Variants in NOL4 observed in about 807,000 individuals in gnomAD.
The protein encoded by NOL4 is cancer/testis antigen 125.
Under a neutral mutation model 75.9 loss-of-function variants are expected in NOL4, and 17 were observed. The observed-to-expected ratio is 0.22, with a 90% CI of 0.15 to 0.34. The LOEUF (loss-of-function observed/expected upper bound fraction) is 0.34, where lower values mean the gene tolerates loss of function less well. NOL4 is among the 10% of genes least tolerant of loss of function. The pLI, the probability that NOL4 is intolerant of heterozygous loss-of-function variation, is 1.00. For missense variants in NOL4, 614 were observed against 793.5 expected, an observed-to-expected ratio of 0.77 and a Z score of 2.72; for synonymous variants, 292 against 289.9, an observed-to-expected ratio of 1.01 and a Z score of -0.07.
chr18:34,051,783 A>T (rs1368721849), intron 5 of NOL4, among the ~76,000 whole-genome samples: 1 of 151,930 alleles, frequency 6.6e-6, no homozygotes, highest in Non-Finnish European at 1.5e-5. Flanking sequence ...CTAGTGTGTG[A>T]GAGAGTGTGT....
chr18:34,153,472 G>T (rs2081744427), intron 1 of NOL4, among the ~76,000 whole-genome samples: 1 of 151,936 alleles, frequency 6.6e-6, no homozygotes. Flanking sequence ...AACTCCTTTA[G>T]TGTTCATAAT....
chr18:33,932,601 A>T (rs73955084), intron 9 of NOL4, among the ~76,000 whole-genome samples: 9,817 of 152,154 alleles, frequency 0.065, 370 homozygotes, highest in African/African-American at 0.12. Flanking sequence ...CTTAATATTT[A>T]AAAAATGAGG....
chr18:34,150,147 T>A (rs2146079375), intron 1 of NOL4, among the ~76,000 whole-genome samples: 2 of 151,854 alleles, frequency 1.3e-5, no homozygotes, highest in Non-Finnish European at 3.0e-5. Context: ...ATTTAATAAG[T>A]ACTCAACAAA....
At chr18:34,179,279 C>A (rs940620656) in intron 1 of NOL4, among the ~76,000 whole-genome samples, 2 of 150,888 alleles carry the variant, frequency 1.3e-5, no homozygotes, top group African/African-American at 4.9e-5. Context: ...AAACAAAAAA[C>A]AGCCTTCCAC....
intron 1 of NOL4, among the ~76,000 whole-genome samples, chr18:34,182,075 A>T (rs1231811176): frequency 6.6e-6 from 1 of 151,612 alleles, no homozygotes; most frequent in East Asian, 1.9e-4. Flanking sequence ...CAAGAAAACA[A>T]AAAAATATAT....
intron 1 of NOL4, among the ~76,000 whole-genome samples, chr18:34,193,452 G>A (rs760436271): frequency 6.6e-6 from 1 of 152,022 alleles, no homozygotes; most frequent in Admixed American, 6.6e-5. Flanking sequence ...ATTTCTCAAA[G>A]CAGACATACA....
At chr18:34,128,799 A>C (rs937996142) in intron 2 of NOL4, 1 of 755,416 alleles carries the variant, frequency 1.3e-6, no homozygotes, top group Admixed American at 6.3e-5. Flanking sequence ...AATAGTTATG[A>C]AAAAGAAGCT....
intron 10 of NOL4, among the ~76,000 whole-genome samples, chr18:33,860,479 TA>T (rs1353980722): frequency 6.6e-6 from 1 of 151,994 alleles, no homozygotes; most frequent in Non-Finnish European, 1.5e-5. Context: ...ACAAATGTAA[TA>T]GTTACTTCCT....
intron 5 of NOL4, among the ~76,000 whole-genome samples, chr18:34,038,326 C>T (rs1032203799): frequency 6.6e-6 from 1 of 151,944 alleles, no homozygotes; most frequent in Non-Finnish European, 1.5e-5. Context: ...TGAAAAACAG[C>T]ATAGAGATTT....
intron 9 of NOL4, among the ~76,000 whole-genome samples, chr18:33,888,082 T>C (rs2144770307): frequency 6.6e-6 from 1 of 152,296 alleles, no homozygotes; most frequent in African/African-American, 2.4e-5. Context: ...CCAGCACCTT[T>C]TGTTTCCTGA....
intron 2 of NOL4, among the ~76,000 whole-genome samples, chr18:34,108,196 G>C (rs948272858): frequency 1.3e-5 from 2 of 152,020 alleles, no homozygotes; most frequent in Non-Finnish European, 2.9e-5. Flanking sequence ...GAAAAATTCT[G>C]TAAGTAGATA....
At chr18:33,859,440 AAT>A (rs2062985818) in intron 10 of NOL4, among the ~76,000 whole-genome samples, 1 of 152,104 alleles carries the variant, frequency 6.6e-6, no homozygotes, top group Non-Finnish European at 1.5e-5. Context: ...ATTTGTTTCA[AAT>A]GCAAATGTTT....
chr18:34,038,385 C>G (rs771510357), intron 5 of NOL4, among the ~76,000 whole-genome samples: 3 of 152,082 alleles, frequency 2.0e-5, no homozygotes, highest in Non-Finnish European at 4.4e-5. Context: ...AATCCTACTA[C>G]TGGATATCCA....
At chr18:33,939,116 G>T (rs2068278806) in intron 9 of NOL4, among the ~76,000 whole-genome samples, 1 of 152,090 alleles carries the variant, frequency 6.6e-6, no homozygotes, top group South Asian at 2.1e-4. Context: ...TGAGGCCTCT[G>T]CTCTGTTCCA....
chr18:33,960,671 C>A (rs186280941), intron 6 of NOL4, among the ~76,000 whole-genome samples: 3 of 152,218 alleles, frequency 2.0e-5, no homozygotes, highest in East Asian at 1.9e-4. Flanking sequence ...ATATATGACT[C>A]ATTTACAATG....
intron 5 of NOL4, among the ~76,000 whole-genome samples, chr18:34,049,074 G>A (rs12955543): frequency 0.11 from 7,147 of 64,580 alleles, 226 homozygotes; most frequent in East Asian, 0.38. Context: ...ACAGGCGCGC[G>A]CACACACACA....
intron 6 of NOL4, among the ~76,000 whole-genome samples, chr18:33,992,536 G>A (rs561601266): frequency 1.3e-5 from 2 of 151,942 alleles, no homozygotes; most frequent in Non-Finnish European, 2.9e-5. Flanking sequence ...GAGAGTCTGT[G>A]GTATTTGAAC....
intron 6 of NOL4, among the ~76,000 whole-genome samples, chr18:33,992,600 C>T (rs1248037415): frequency 6.6e-6 from 1 of 152,004 alleles, no homozygotes; most frequent in Non-Finnish European, 1.5e-5. Flanking sequence ...CTTCACTCTA[C>T]ACTGATGTAG....
At chr18:33,888,626 T>C (rs957059498) in intron 9 of NOL4, among the ~76,000 whole-genome samples, 2 of 152,156 alleles carry the variant, frequency 1.3e-5, no homozygotes, top group Non-Finnish European at 2.9e-5. Flanking sequence ...CAGTTTCAGC[T>C]TTCTACAGGT....
Sources: gnomAD v4.1 joint callset for allele counts (sites outside exome capture counted in the v4.1 genomes callset) on GRCh38, gnomAD v4.1.1 for gene constraint, MANE v1.5 for transcripts, NCBI Gene and HGNC (gene_info 2026-07-23, HGNC 2026-07-21) for gene names.